The following TMIGD3 variants were observed in gnomAD, a reference collection of about 807,000 sequenced individuals.
TMIGD3 encodes AD026 protein (AD026).
In TMIGD3, 21 loss-of-function variants were observed where a neutral mutation model predicts 28.1. The ratio of observed to expected loss-of-function variants is 0.75; its 90% CI spans 0.53 to 1.08. The LOEUF (loss-of-function observed/expected upper bound fraction) is 1.08. Among genes scored for constraint, TMIGD3 ranks in the 50% least tolerant of loss-of-function variants. The pLI is 0.00. For synonymous variants in TMIGD3, 151 were observed against 162.1 expected, an observed-to-expected ratio of 0.93 and a Z score of 0.52; for missense variants, 416 against 435.6, an observed-to-expected ratio of 0.96 and a Z score of 0.40.
intron 3 of TMIGD3, among the ~76,000 whole-genome samples, chr1:111,488,292 G>T (rs6678079): frequency 6.6e-6 from 1 of 151,598 alleles, no homozygotes; most frequent in East Asian, 1.9e-4. Flanking sequence ...GCGCAATCTC[G>T]GCTCACTGCA....
chr1:111,529,445 A>G (rs1656376203), intron 1 of TMIGD3, among the ~76,000 whole-genome samples: 1 of 149,608 alleles, frequency 6.7e-6, no homozygotes, highest in East Asian at 2.0e-4. Context: ...ACAGGACAAT[A>G]GTGGAGGGAA....
At chr1:111,527,493 C>T (rs7551308) in intron 1 of TMIGD3, among the ~76,000 whole-genome samples, 20 of 152,146 alleles carry the variant, frequency 1.3e-4, no homozygotes, top group South Asian at 2.1e-4. Context: ...TTTCTGTGGA[C>T]GTAAATTTTC....
chr1:111,489,223 A>G (rs1654538221), intron 2 of TMIGD3, among the ~76,000 whole-genome samples, 199 bp from the exon 3 acceptor site: 1 of 152,170 alleles, frequency 6.6e-6, no homozygotes, highest in Admixed American at 6.5e-5. Context: ...ACCTCCAGTG[A>G]CCCCAGAATG....
At chr1:111,503,660 T>G, upstream of TMIGD3, 1 of 1,124,066 alleles carries the variant, frequency 8.9e-7, no homozygotes, top group Non-Finnish European at 1.1e-6. Flanking sequence ...CTGCTCTTAG[T>G]TCCCCAAACA....
At chr1:111,529,005 G>A (rs919134857) in intron 1 of TMIGD3, among the ~76,000 whole-genome samples, 4 of 151,388 alleles carry the variant, frequency 2.6e-5, no homozygotes, top group Non-Finnish European at 5.9e-5. Flanking sequence ...TTTTTTTCTT[G>A]TCTTATTGCA....
intron 1 of TMIGD3, among the ~76,000 whole-genome samples, chr1:111,498,058 A>G (rs1025194513): frequency 3.9e-5 from 6 of 152,158 alleles, no homozygotes; most frequent in African/African-American, 1.2e-4. Flanking sequence ...AAATACCACA[A>G]ATTAGAGGGG....
chr1:111,551,692 T>TGTA (rs1657263641), intron 1 of TMIGD3, among the ~76,000 whole-genome samples: 1 of 152,190 alleles, frequency 6.6e-6, no homozygotes, highest in South Asian at 2.1e-4. Flanking sequence ...TATTTATCTA[T>TGTA]GTAGTTATCA....
intron 2 of TMIGD3, 28 bp downstream of exon 2, chr1:111,490,628 G>A (rs41282518): frequency 0.013 from 19,258 of 1,540,278 alleles, 164 homozygotes; most frequent in Middle Eastern, 0.032. Context: ...AGCTTAAAGG[G>A]CTGGAGCTGT....
At chr1:111,506,896 A>AT (rs1225842283), upstream of TMIGD3, among the ~76,000 whole-genome samples, 72 of 116,086 alleles carry the variant, frequency 6.2e-4, no homozygotes, top group African/African-American at 1.1e-3. Context: ...TAAAAACAAA[A>AT]AATATATATA....
At chr1:111,548,023 T>TGTTA (rs1321654652) in intron 1 of TMIGD3, among the ~76,000 whole-genome samples, 6 of 152,178 alleles carry the variant, frequency 3.9e-5, no homozygotes, top group South Asian at 2.1e-4. Context: ...TTTGTTTGTT[T>TGTTA]GTTTGTTTGT....
At chr1:111,559,379 C>G (rs1305058038) in intron 1 of TMIGD3, among the ~76,000 whole-genome samples, 1 of 152,138 alleles carries the variant, frequency 6.6e-6, no homozygotes, top group African/African-American at 2.4e-5. Context: ...TACGATTCAG[C>G]AGTGACCTAA....
chr1:111,523,921 A>AT (rs138983562), intron 1 of TMIGD3, among the ~76,000 whole-genome samples: 4 of 133,868 alleles, frequency 3.0e-5, no homozygotes, highest in Non-Finnish European at 4.9e-5. Context: ...GATTTTCTCT[A>AT]TTTTTTTTGT....
At chr1:111,539,068 G>T (rs1333571530) in intron 1 of TMIGD3, among the ~76,000 whole-genome samples, 2 of 152,076 alleles carry the variant, frequency 1.3e-5, no homozygotes, top group Non-Finnish European at 2.9e-5. Flanking sequence ...AGACACCTAG[G>T]TTTATTTTTT....
chr1:111,491,111 C>G (rs1421938852), intron 1 of TMIGD3, among the ~76,000 whole-genome samples: 1 of 152,254 alleles, frequency 6.6e-6, no homozygotes. Context: ...GTCTGTCTAC[C>G]AATCTTGGAG....
chr1:111,502,627 C>T (rs1655297991), intron 1 of TMIGD3, among the ~76,000 whole-genome samples: 1 of 150,192 alleles, frequency 6.7e-6, no homozygotes. Context: ...TGTTTATCTG[C>T]CTGCTTCTCC....
At chr1:111,504,399 A>C (rs1247450728), upstream of TMIGD3, among the ~76,000 whole-genome samples, 1 of 152,146 alleles carries the variant, frequency 6.6e-6, no homozygotes, top group Non-Finnish European at 1.5e-5. Flanking sequence ...CCTCAGCCCC[A>C]TCCCCGCAGG....
At position 111,542,720 on chromosome 1, in the gene TMIGD3, G is replaced by A. The variant is rs553711674; in HGVS notation, c.107+21126C>T. Reference sequence around the variant, plus strand: ...TGTTTTTTTTTTCTTTTTTTGAGATGGAGTCTCACCCTGTCACCCAGGCTG... The same window carrying A: ...TGTTTTTTTTTTCTTTTTTTGAGATAGAGTCTCACCCTGTCACCCAGGCTG... On this transcript the variant is annotated intron_variant, in intron 1 of 5. Coordinates refer to the TMIGD3 transcript ENST00000369717. Among the ~76,000 whole-genome samples, 4 of 151,232 alleles carry A rather than the reference G, an allele frequency of 2.6e-5. No homozygotes were observed. In the South Asian group the frequency reaches 8.4e-4, roughly 32 times the overall value.
intron 1 of TMIGD3, among the ~76,000 whole-genome samples, chr1:111,517,278 G>C (rs1268595255): frequency 1.3e-5 from 2 of 151,804 alleles, no homozygotes; most frequent in African/African-American, 4.8e-5. Context: ...TTCCTAAGTA[G>C]CTTTATGCTG....
chr1:111,532,496 A>T (rs919665374), intron 1 of TMIGD3, among the ~76,000 whole-genome samples: 17 of 152,122 alleles, frequency 1.1e-4, no homozygotes, highest in African/African-American at 3.9e-4. Flanking sequence ...TTTTCCAGAG[A>T]CTCAGTCCCT....
Sources: allele counts gnomAD v4.1 joint callset (sites outside exome capture counted in the v4.1 genomes callset), GRCh38; gene constraint gnomAD v4.1.1; transcripts MANE v1.5; gene names NCBI Gene and HGNC (gene_info 2026-07-23, HGNC 2026-07-21).